Variants in PRKCZ observed in about 807,000 individuals in gnomAD.
PRKCZ encodes protein kinase C zeta type.
A neutral mutation model predicts 79.5 loss-of-function variants in PRKCZ; 33 were observed. The ratio of observed to expected loss-of-function variants is 0.41; its 90% CI spans 0.31 to 0.55. PRKCZ has a LOEUF of 0.55. PRKCZ is among the 20% of genes least tolerant of loss of function. The pLI, the probability that PRKCZ is intolerant of heterozygous loss-of-function variation, is 0.19. For synonymous variants in PRKCZ, 342 were observed against 320.9 expected (o/e 1.07, Z -0.70); for missense variants, 578 against 813.5 (o/e 0.71, Z 3.52).
chr1:2,170,288 C>T (rs959387390), intron 11 of PRKCZ, among the ~76,000 whole-genome samples: 2 of 152,162 alleles, frequency 1.3e-5, no homozygotes, highest in African/African-American at 2.4e-5. Flanking sequence ...CCCCGGCAGC[C>T]GCGGGACCTC....
intron 4 of PRKCZ, among the ~76,000 whole-genome samples, chr1:2,115,311 T>C (rs778912241): frequency 2.9e-4 from 44 of 152,262 alleles, no homozygotes; most frequent in Non-Finnish European, 6.0e-4. Flanking sequence ...GTCCCGGCTT[T>C]TGGCCACAGA....
At chr1:2,113,729 G>A (rs1195441821) in intron 4 of PRKCZ, among the ~76,000 whole-genome samples, 1 of 152,204 alleles carries the variant, frequency 6.6e-6, no homozygotes, top group East Asian at 1.9e-4. Context: ...GCTGGGGGGT[G>A]GGTGAGAGTT....
At chr1:2,068,275 G>A (rs1042911004) in intron 4 of PRKCZ, among the ~76,000 whole-genome samples, 7 of 151,976 alleles carry the variant, frequency 4.6e-5, no homozygotes, top group East Asian at 2.0e-4. Flanking sequence ...GAGACCCCCC[G>A]CCTTCCTTGC....
At chr1:2,121,043 A>G (rs1671786677) in intron 4 of PRKCZ, among the ~76,000 whole-genome samples, 1 of 151,828 alleles carries the variant, frequency 6.6e-6, no homozygotes, top group African/African-American at 2.4e-5. Flanking sequence ...CGAACTCCTG[A>G]CCTTGGGTGA....
chr1:2,076,656 C>T (rs1383069977), intron 4 of PRKCZ, among the ~76,000 whole-genome samples: 1 of 151,348 alleles, frequency 6.6e-6, no homozygotes, highest in Middle Eastern at 3.2e-3. Flanking sequence ...GCAGGAGAAT[C>T]GCTTGAATCC....
rs528400374 is a variant in PRKCZ, at chr1:2,085,126, G to C, written c.334+25535G>C. Among the ~76,000 whole-genome samples, 5 of 152,282 alleles carry C rather than the reference G, an allele frequency of 3.3e-5. 1 individual carries two copies. The South Asian group carries it at 1.0e-3, about 32-fold the overall frequency. Reference sequence around the variant, plus strand: ...CTCCCTGTGGCTCTGCGGGTAGGGGGCGATTCCTCTGTCAGCTGGGTGAGG... The same window carrying C: ...CTCCCTGTGGCTCTGCGGGTAGGGGCCGATTCCTCTGTCAGCTGGGTGAGG... On this transcript the variant is annotated intron_variant, in intron 4 of 17. Coordinates refer to ENST00000378567, the MANE Select transcript of PRKCZ (RefSeq NM_002744.6).
intron 4 of PRKCZ, among the ~76,000 whole-genome samples, chr1:2,115,478 A>C (rs1047632147): frequency 6.6e-6 from 1 of 152,218 alleles, no homozygotes; most frequent in Admixed American, 6.5e-5. Flanking sequence ...CTGCACCCAC[A>C]GCCACTCTGG....
At position 2,118,713 on chromosome 1, in the gene PRKCZ, CTGTGTGTGTGTGTGTGTGTGTG is replaced by C. The variant is rs770283606; in HGVS notation, c.335-16528_335-16507del. 5.0e-5 allele frequency among the ~76,000 whole-genome samples: 6 copies of C among 120,728 alleles called. No homozygotes were observed. The South Asian group carries it at 1.9e-3, about 39-fold the overall frequency. The allele number at this position is 120,728 out of a possible 152,430, so 79.2% of individuals were successfully genotyped here. On this transcript the variant is annotated intron_variant, in intron 4 of 17. Transcript: ENST00000378567. ...TGATGTTAGTGTGACCACACCAGCT[CTGTGTGTGTGTGTGTGTGTGTG>C]TGTGTGTGTGTGTGTGTGTGAGATG...
intron 4 of PRKCZ, among the ~76,000 whole-genome samples, chr1:2,096,562 A>G (rs1393964615): frequency 6.6e-6 from 1 of 152,128 alleles, no homozygotes; most frequent in Admixed American, 6.5e-5. Flanking sequence ...AGCAGTGCAG[A>G]TGCTGTTGGC....
rs148767272 is a variant in PRKCZ at position 2,107,130 on chromosome 1, G to A, written c.335-28132G>A. On this transcript the variant is annotated intron_variant, in intron 4 of 17. Transcript: ENST00000378567. ...CTCTGCCTCCCCCGTGTTTCCTCGG[G>A]GTTCTGCGTCTGTGACCGGGGTGCG... is the stretch of plus-strand genomic sequence containing the variant. Among the ~76,000 whole-genome samples the A allele has an allele frequency of 3.2e-4, 49 of 152,374 alleles. No homozygotes were observed. The East Asian group carries it at 8.7e-3, about 27-fold the overall frequency.
At chr1:2,155,927 C>T (rs907436433) in intron 9 of PRKCZ, 68 bp from the exon 10 acceptor site, 2 of 1,376,648 alleles carry the variant, frequency 1.5e-6, no homozygotes, top group African/African-American at 1.4e-5. Context: ...CCCTTGCCTC[C>T]CCCTTGCCCA....
intron 4 of PRKCZ, among the ~76,000 whole-genome samples, chr1:2,113,755 C>A (rs972601894): frequency 6.6e-6 from 1 of 152,074 alleles, no homozygotes; most frequent in Admixed American, 6.6e-5. Flanking sequence ...ACAGAGGACT[C>A]ATGGGGCAGA....
intron 5 of PRKCZ, among the ~76,000 whole-genome samples, chr1:2,140,766 C>T (rs1447888567): frequency 1.3e-5 from 2 of 152,134 alleles, no homozygotes; most frequent in Non-Finnish European, 2.9e-5. Flanking sequence ...GTCAGGGGTT[C>T]GAGACGAGCC....
At position 2,184,943 on chromosome 1, in the gene PRKCZ, CCAGT is replaced by C; in HGVS notation, c.1717_1720del (p.Glu574SerfsTer31). 1 of 1,613,926 alleles carries C rather than the reference CCAGT, an allele frequency of 6.2e-7. No homozygotes were observed. The highest frequency in any genetic ancestry group is 8.5e-7 in the Non-Finnish European group (1 of 1,179,962). On this transcript the variant is annotated frameshift_variant, in exon 18 of 18. Coordinates refer to ENST00000378567, the MANE Select transcript of PRKCZ (RefSeq NM_002744.6). LOFTEE classifies it high-confidence loss of function. ...ACAGGGATGCCATAAAGAGGATCGA[CCAGT>C]CAGAGTTCGAAGGCTTTGAGTATAT...
rs1022577472 is a variant in PRKCZ at position 2,163,760 on chromosome 1, G to A, written c.975-5758G>A. Among the ~76,000 whole-genome samples the A allele has an allele frequency of 3.9e-5, 6 of 152,010 alleles. No homozygotes were observed. The South Asian group carries it at 1.2e-3, about 32-fold the overall frequency. ...AAAAAAAAAAAAAAATTAGCCAGGT[G>A]TGGTGGTGGGTGCCTGTAGTCTCAG... On this transcript the variant is annotated intron_variant, in intron 10 of 17. Transcript: ENST00000378567.
At chr1:2,058,306 A>ATTTTTTT (rs35722361) in intron 3 of PRKCZ, among the ~76,000 whole-genome samples, 1 of 125,344 alleles carries the variant, frequency 8.0e-6, no homozygotes, top group South Asian at 2.4e-4. Context: ...CCCGGCCCCA[A>ATTTTTTT]TTTTTTTTTT....
At chr1:2,095,220 G>C (rs1026727880) in intron 4 of PRKCZ, among the ~76,000 whole-genome samples, 1 of 152,184 alleles carries the variant, frequency 6.6e-6, no homozygotes, top group South Asian at 2.1e-4. Context: ...TTCTAGGTCT[G>C]CGTTGGCCTG....
intron 4 of PRKCZ, among the ~76,000 whole-genome samples, chr1:2,114,412 A>G (rs1230785374): frequency 6.6e-6 from 1 of 152,256 alleles, no homozygotes; most frequent in Admixed American, 6.5e-5. Context: ...AAAATAATCA[A>G]ACAGCAGGTT....
chr1:2,091,815 C>T (rs576992886), intron 4 of PRKCZ, among the ~76,000 whole-genome samples: 3 of 152,284 alleles, frequency 2.0e-5, no homozygotes, highest in Middle Eastern at 3.4e-3. Flanking sequence ...CAGCAGGGGG[C>T]GTCCGAGGGC....
Sources: gnomAD v4.1 joint callset for allele counts (sites outside exome capture counted in the v4.1 genomes callset) on GRCh38, gnomAD v4.1.1 for gene constraint, MANE v1.5 for transcripts, NCBI Gene and HGNC (gene_info 2026-07-23, HGNC 2026-07-21) for gene names.